The following ARHGAP8 variants were observed in gnomAD, a reference collection of about 807,000 sequenced individuals.
ARHGAP8 encodes the protein Rho GTPase activating protein 8.
ARHGAP8 carries 62 observed loss-of-function variants against 46.1 expected under a neutral mutation model. The ratio of observed to expected loss-of-function variants is 1.34; its 90% CI spans 1.10 to 1.66. ARHGAP8 has a LOEUF of 1.66. Ranked by LOEUF, ARHGAP8 falls within the 40% of genes most tolerant of loss-of-function variation. The probability of loss-of-function intolerance (pLI) is 0.00; values close to 1 mark genes in which losing one functional copy is unlikely to be tolerated. For missense variants in ARHGAP8, 923 were observed against 568.4 expected, an observed-to-expected ratio of 1.62 and a Z score of -6.34; for synonymous variants, 375 against 243.1, an observed-to-expected ratio of 1.54 and a Z score of -5.05.
At chr22:44,808,219 G>T (rs1285514333) in intron 3 of ARHGAP8, 88 bp from the exon 4 acceptor site, 2 of 1,541,466 alleles carry the variant, frequency 1.3e-6, no homozygotes, top group African/African-American at 2.7e-5. Context: ...CCTACTGGGT[G>T]ACCATAGCTT....
rs769982231 is a variant in ARHGAP8, at chr22:44,845,200, C to T, written c.597-69C>T. On this transcript the variant is annotated intron_variant, in intron 7 of 11. Transcript: ENST00000356099. Reference sequence around the variant, plus strand: ...TTCACAGGGGTGTGGAGAGGACCAGCGCCTCTTCTCATTGTGATCACCCAT... The same window carrying T: ...TTCACAGGGGTGTGGAGAGGACCAGTGCCTCTTCTCATTGTGATCACCCAT... The T allele has an allele frequency of 3.5e-4, 549 of 1,583,686 alleles. 1 individual carries two copies. The highest frequency in any genetic ancestry group is 5.0e-4 in the Middle Eastern group (3 of 6,012).
chr22:44,845,343 G>C lies in ARHGAP8; in HGVS notation c.670+1G>C. ...ACAGTGACGTACCTGAGAGAGAAAG[G>C]TGAGACGGGGCCGGCTCCAGCTGGA... On this transcript the variant is annotated splice_donor_variant, in intron 8 of 11. Transcript: ENST00000356099. LOFTEE classifies it high-confidence loss of function. 6 of 1,614,082 alleles carry C rather than the reference G, an allele frequency of 3.7e-6. No individual in the cohort carries two copies. Among genetic ancestry groups the C allele is most frequent in the Non-Finnish European group, 5.1e-6 (6 of 1,179,986 alleles).
At chr22:44,781,313 C>T (rs906377809) in intron 1 of ARHGAP8, among the ~76,000 whole-genome samples, 14 of 152,036 alleles carry the variant, frequency 9.2e-5, no homozygotes, top group African/African-American at 3.1e-4. Flanking sequence ...TTCAGGCTTG[C>T]AGCGATAGGA....
intron 2 of ARHGAP8, among the ~76,000 whole-genome samples, chr22:44,797,969 G>T (rs551432573): frequency 9.5e-5 from 14 of 147,614 alleles, no homozygotes; most frequent in South Asian, 2.2e-4. Flanking sequence ...CACCGCACCT[G>T]GCCAATAAGA....
intron 2 of ARHGAP8, among the ~76,000 whole-genome samples, chr22:44,797,474 A>T (rs900352410): frequency 6.6e-6 from 1 of 152,182 alleles, no homozygotes; most frequent in South Asian, 2.1e-4. Flanking sequence ...TTGTGCCTGA[A>T]AACTCCCACT....
intron 7 of ARHGAP8, among the ~76,000 whole-genome samples, chr22:44,837,872 T>C (rs1487943594): frequency 6.6e-6 from 1 of 152,208 alleles, no homozygotes; most frequent in Non-Finnish European, 1.5e-5. Flanking sequence ...ACGGCAGCTC[T>C]GGGCCAGTCC....
At chr22:44,821,034 C>T (rs569934483) in intron 5 of ARHGAP8, among the ~76,000 whole-genome samples, 1 of 152,292 alleles carries the variant, frequency 6.6e-6, no homozygotes, top group South Asian at 2.1e-4. Context: ...ATACTTATTT[C>T]AAGACTTTCA....
intron 2 of ARHGAP8, among the ~76,000 whole-genome samples, chr22:44,791,319 G>A (rs1354828570): frequency 6.6e-6 from 1 of 152,180 alleles, no homozygotes. Flanking sequence ...GGGCCTCGAT[G>A]CTGCAGACTT....
At chr22:44,774,837 G>C (rs115615641) in intron 1 of ARHGAP8, among the ~76,000 whole-genome samples, 3 of 151,314 alleles carry the variant, frequency 2.0e-5, no homozygotes, top group Admixed American at 6.6e-5. Context: ...TTGGAGGGGT[G>C]GGGGCGGGGG....
At chr22:44,801,824 T>A in intron 2 of ARHGAP8, 1 of 535,648 alleles carries the variant, frequency 1.9e-6, no homozygotes, top group Non-Finnish European at 3.4e-6. Flanking sequence ...TTAACCCTGC[T>A]GGGCCTCGGT....
chr22:44,808,990 G>A (rs1400446062), intron 4 of ARHGAP8: 2 of 415,184 alleles, frequency 4.8e-6, no homozygotes, highest in Non-Finnish European at 9.6e-6. Context: ...GCTAATTTTT[G>A]TATTTTTTTT....
At chr22:44,854,348 T>G (rs1238407092) in intron 10 of ARHGAP8, among the ~76,000 whole-genome samples, 1 of 150,668 alleles carries the variant, frequency 6.6e-6, no homozygotes, top group African/African-American at 2.4e-5. Context: ...GTGATCCATC[T>G]GCCTCAGCCT....
chr22:44,855,908 C>T (rs1291678150), intron 10 of ARHGAP8, among the ~76,000 whole-genome samples: 6 of 152,134 alleles, frequency 3.9e-5, no homozygotes, highest in African/African-American at 1.2e-4. Context: ...ATAGGAAGCA[C>T]GGTGTTGGCA....
chr22:44,778,801 C>T (rs774234684), intron 1 of ARHGAP8, among the ~76,000 whole-genome samples: 8 of 152,166 alleles, frequency 5.3e-5, no homozygotes, highest in Non-Finnish European at 8.8e-5. Flanking sequence ...GCAGAAATAA[C>T]GGCCTCACCC....
chr22:44,846,785 G>A (rs1433411352), intron 8 of ARHGAP8, among the ~76,000 whole-genome samples: 1 of 152,108 alleles, frequency 6.6e-6, no homozygotes, highest in East Asian at 1.9e-4. Flanking sequence ...GTGAGCACAC[G>A]GGATGGGGAA....
intron 10 of ARHGAP8, among the ~76,000 whole-genome samples, chr22:44,855,409 C>T (rs1232605589): frequency 2.0e-5 from 3 of 152,018 alleles, no homozygotes; most frequent in Non-Finnish European, 2.9e-5. Flanking sequence ...AAGTGATCTC[C>T]CCACCTCAGC....
At chr22:44,807,084 G>A (rs77583410) in intron 3 of ARHGAP8, among the ~76,000 whole-genome samples, 2,223 of 152,254 alleles carry the variant, frequency 0.015, 48 homozygotes, top group African/African-American at 0.051. Flanking sequence ...GCTTTCTCCC[G>A]AGGCAGTTCT....
chr22:44,837,436 G>T (rs1931362658), intron 7 of ARHGAP8, among the ~76,000 whole-genome samples: 1 of 152,150 alleles, frequency 6.6e-6, no homozygotes, highest in African/African-American at 2.4e-5. Flanking sequence ...GAGTCCTCCT[G>T]CCCAGCATGC....
At chr22:44,755,790 G>A (rs1284385153) in intron 1 of ARHGAP8, among the ~76,000 whole-genome samples, 1 of 152,122 alleles carries the variant, frequency 6.6e-6, no homozygotes, top group African/African-American at 2.4e-5. Context: ...GTGGGGGGTG[G>A]GGATAATGTC....
Sources: gnomAD v4.1 joint callset for allele counts (sites outside exome capture counted in the v4.1 genomes callset) on GRCh38, gnomAD v4.1.1 for gene constraint, MANE v1.5 for transcripts, NCBI Gene and HGNC (gene_info 2026-07-23, HGNC 2026-07-21) for gene names.